The following OXR1 variants were observed in gnomAD, a reference collection of about 807,000 sequenced individuals.
OXR1 encodes the protein oxidation resistance 1.
OXR1 carries 41 observed loss-of-function variants against 104.6 expected under a neutral mutation model. That is an observed-to-expected ratio of 0.39 (90% CI 0.31 to 0.51). The LOEUF (loss-of-function observed/expected upper bound fraction) is 0.51. OXR1 is among the 20% of genes least tolerant of loss of function. The pLI is 0.77. For missense variants in OXR1, 955 were observed against 1,031.9 expected (o/e 0.93, Z 1.02); for synonymous variants, 348 against 348.4 (o/e 1.00, Z 0.01).
intron 1 of OXR1, among the ~76,000 whole-genome samples, chr8:106,351,737 G>A (rs926950545): frequency 1.1e-4 from 16 of 152,274 alleles, no homozygotes; most frequent in Non-Finnish European, 2.1e-4. Flanking sequence ...TGTTGGGGAA[G>A]ACATCTATTA....
intron 3 of OXR1, among the ~76,000 whole-genome samples, chr8:106,612,805 T>G: frequency 6.6e-6 from 1 of 152,144 alleles, no homozygotes. Context: ...TTAAATACTT[T>G]AATTCTCACA....
intron 2 of OXR1, among the ~76,000 whole-genome samples, chr8:106,386,951 G>A (rs1406417587): frequency 2.0e-5 from 3 of 152,086 alleles, no homozygotes; most frequent in Non-Finnish European, 4.4e-5. Flanking sequence ...GATTGGAGGT[G>A]GGAATGAAAC....
intron 1 of OXR1, among the ~76,000 whole-genome samples, chr8:106,340,538 C>T (rs1037264479): frequency 4.6e-5 from 7 of 152,094 alleles, no homozygotes; most frequent in Non-Finnish European, 1.0e-4. Context: ...CCCACTAGCC[C>T]CTTACATACT....
At chr8:106,492,332 G>T (rs761303007) in intron 2 of OXR1, among the ~76,000 whole-genome samples, 2 of 152,172 alleles carry the variant, frequency 1.3e-5, no homozygotes, top group Non-Finnish European at 2.9e-5. Context: ...AGCTCAGAAG[G>T]CCCTCAGATG....
At chr8:106,550,488 T>G (rs1815716849) in intron 3 of OXR1, among the ~76,000 whole-genome samples, 1 of 152,208 alleles carries the variant, frequency 6.6e-6, no homozygotes, top group African/African-American at 2.4e-5. Context: ...GGTTTGACTC[T>G]GAGTCCCCAC....
intron 7 of OXR1, among the ~76,000 whole-genome samples, chr8:106,701,754 C>G (rs1255215268): frequency 2.0e-5 from 3 of 152,084 alleles, no homozygotes; most frequent in African/African-American, 7.2e-5. Context: ...GTGTTTCTCA[C>G]CATTAGTTTC....
rs555841497 is a variant in OXR1 at position 106,329,636 on chromosome 8, C to T, written c.-138-29840C>T. ...TGCTGGGATCACAGGCGTGAGCCAC[C>T]GCGCCCAGCCATCAGTGACACTTTC... On this transcript the variant is annotated intron_variant, in intron 1 of 16. Coordinates refer to ENST00000517566, the MANE Select transcript of OXR1 (RefSeq NM_001198533.2). Among the ~76,000 whole-genome samples the T allele has an allele frequency of 7.9e-5, 12 of 152,302 alleles. No homozygotes were observed. The East Asian group carries it at 1.5e-3, about 20-fold the overall frequency.
chr8:106,681,601 T>G (rs1331129899), intron 4 of OXR1, among the ~76,000 whole-genome samples: 1 of 152,156 alleles, frequency 6.6e-6, no homozygotes. Flanking sequence ...CACAGCTCAC[T>G]GCAGCCTCAA....
intron 3 of OXR1, among the ~76,000 whole-genome samples, chr8:106,596,573 G>T (rs1250035567): frequency 6.6e-6 from 1 of 152,158 alleles, no homozygotes; most frequent in Non-Finnish European, 1.5e-5. Flanking sequence ...ATTGAAGCAG[G>T]TTAAGAGGGA....
intron 3 of OXR1, among the ~76,000 whole-genome samples, chr8:106,666,791 C>G (rs1009607305): frequency 6.6e-6 from 1 of 152,022 alleles, no homozygotes; most frequent in Non-Finnish European, 1.5e-5. Flanking sequence ...TATCCAGGAT[C>G]GGGGTGGGGG....
At chr8:106,602,087 A>G (rs1820014791) in intron 3 of OXR1, among the ~76,000 whole-genome samples, 1 of 152,232 alleles carries the variant, frequency 6.6e-6, no homozygotes. Context: ...GAAGAGGCTC[A>G]GATCTGAGAT....
intron 2 of OXR1, among the ~76,000 whole-genome samples, chr8:106,452,631 TAAC>T (rs1820378677): frequency 6.6e-6 from 1 of 152,182 alleles, no homozygotes; most frequent in African/African-American, 2.4e-5. Context: ...AACAAAAGTT[TAAC>T]TTGGTCACCA....
At chr8:106,427,424 C>T (rs1819178106) in intron 2 of OXR1, among the ~76,000 whole-genome samples, 1 of 152,120 alleles carries the variant, frequency 6.6e-6, no homozygotes, top group Admixed American at 6.5e-5. Flanking sequence ...GCCTCAGCCT[C>T]CCAAAGGGCT....
At chr8:106,331,545 T>C (rs866695234) in intron 1 of OXR1, among the ~76,000 whole-genome samples, 42 of 152,320 alleles carry the variant, frequency 2.8e-4, no homozygotes, top group African/African-American at 9.1e-4. Flanking sequence ...TTTGAAATTA[T>C]TTGTATTGAA....
intron 6 of OXR1, among the ~76,000 whole-genome samples, chr8:106,688,289 G>A (rs1828938532): frequency 6.6e-6 from 1 of 151,842 alleles, no homozygotes; most frequent in Non-Finnish European, 1.5e-5. Context: ...ATTGAAGGGT[G>A]GGATATGCAG....
At chr8:106,693,840 C>T (rs1829558837) in intron 7 of OXR1, among the ~76,000 whole-genome samples, 1 of 151,962 alleles carries the variant, frequency 6.6e-6, no homozygotes, top group Admixed American at 6.6e-5. Flanking sequence ...CCAGATTTTG[C>T]TCAAAAAATG....
At position 106,521,437 on chromosome 8, in the gene OXR1, T is replaced by C. The variant is rs544619039; in HGVS notation, c.220+2298T>C. Among the ~76,000 whole-genome samples the C allele has an allele frequency of 2.3e-4, 35 of 152,256 alleles. No individual in the cohort carries two copies. The South Asian group carries it at 7.1e-3, about 31-fold the overall frequency. ...GAGAGCAGGCTCTGCAAATTAAATC[T>C]ATGTTCTCTTGTGACCCGTCAGAAT... On this transcript the variant is annotated intron_variant, in intron 3 of 16. Coordinates refer to ENST00000517566, the MANE Select transcript of OXR1 (RefSeq NM_001198533.2).
At chr8:106,644,216 T>TA (rs1823889588) in intron 3 of OXR1, among the ~76,000 whole-genome samples, 1 of 152,208 alleles carries the variant, frequency 6.6e-6, no homozygotes, top group South Asian at 2.1e-4. Flanking sequence ...ATTAAGAAAA[T>TA]ACTTATTCAC....
chr8:106,617,833 T>C (rs1391346838), intron 3 of OXR1, among the ~76,000 whole-genome samples: 1 of 152,220 alleles, frequency 6.6e-6, no homozygotes, highest in Non-Finnish European at 1.5e-5. Context: ...TATTGAGTCT[T>C]GTGATCTCAC....
Sources: gnomAD v4.1 joint callset for allele counts (sites outside exome capture counted in the v4.1 genomes callset) on GRCh38, gnomAD v4.1.1 for gene constraint, MANE v1.5 for transcripts, NCBI Gene and HGNC (gene_info 2026-07-23, HGNC 2026-07-21) for gene names.